The following DDX11 variants were observed in gnomAD, a reference collection of about 807,000 sequenced individuals.
The protein encoded by DDX11 is DEAD/H-box helicase 11, also known as ATP-dependent DNA helicase DDX11.
Under a neutral mutation model 125.2 loss-of-function variants are expected in DDX11, and 72 were observed. The ratio of observed to expected loss-of-function variants is 0.58; its 90% CI spans 0.48 to 0.70. The LOEUF is 0.70. Ranked by LOEUF, DDX11 falls within the 30% of genes least tolerant of loss-of-function variation. The pLI is 0.00. For missense variants in DDX11, 883 were observed against 1,165.0 expected (o/e 0.76, Z 3.52); for synonymous variants, 347 against 452.6 (o/e 0.77, Z 2.96).
intron 1 of DDX11, chr12:31,074,309 T>C (rs2140354760): frequency 6.6e-6 from 1 of 152,306 alleles, no homozygotes; most frequent in Middle Eastern, 3.4e-3. Flanking sequence ...TTATCTTACG[T>C]AGATAAGACA....
At chr12:31,079,083 CTT>C (rs1329502930) in intron 2 of DDX11, among the ~76,000 whole-genome samples, 2 of 152,244 alleles carry the variant, frequency 1.3e-5, no homozygotes, top group Non-Finnish European at 2.9e-5. Context: ...CTTACCAACT[CTT>C]TTCCCTCCCG....
At chr12:31,085,187 C>A (rs11051238) in intron 5 of DDX11, 61 bp downstream of exon 5, 55,541 of 1,527,996 alleles carry the variant, frequency 0.036, 498 homozygotes, top group Non-Finnish European at 0.042. Flanking sequence ...GAAGACAGCT[C>A]TTTCCCTCAT....
rs146470803 is a variant in DDX11 at position 31,103,711 on chromosome 12, G to T, written c.2671G>T (p.Ala891Ser). ...RVEVKATFGP[A>S]IAAVQKFHRE... The stretch of plus-strand genomic sequence containing the variant: ...GGAGGTCAAAGCTACCTTTGGCCCC[G>T]CCATTGCTGCTGTGCAGAAGGTCAG... The change falls in exon 26 of 27, where the codon GCC (alanine) becomes TCC (serine). Residue 891 changes from alanine to serine, a missense_variant. Around this residue, in one of 5 missense-constraint regions of DDX11, gnomAD observed 285 missense variants for 346.0 expected, o/e 0.82. Coordinates refer to ENST00000542838, the MANE Select transcript of DDX11 (RefSeq NM_030653.4). The T allele has an allele frequency of 5.6e-6, 9 of 1,613,704 alleles. No individual in the cohort carries two copies. The highest frequency in any genetic ancestry group is 2.2e-5 in the East Asian group (1 of 44,894).
At position 31,098,015 on chromosome 12, in the gene DDX11, A is replaced by G. The variant is rs756916727; in HGVS notation, c.1875+18A>G. ...TGCAGCCGGTAAGGACACCTTTCCC[A>G]GCCCCTCGTGCCCCAGGTGTTGGGA... On this transcript the variant is annotated intron_variant, in intron 18 of 26. Transcript: ENST00000542838. 7.5e-6 allele frequency: 12 copies of G among 1,602,370 alleles called. No homozygotes were observed. Among genetic ancestry groups the G allele is most frequent in the Non-Finnish European group, 9.4e-6 (11 of 1,170,078 alleles).
chr12:31,092,018 T>C, intron 10 of DDX11, 147 bp downstream of exon 10: 1 of 1,122,834 alleles, frequency 8.9e-7, no homozygotes, highest in Non-Finnish European at 1.3e-6. Flanking sequence ...CATCGGAGGC[T>C]GACCATGGCT....
In DDX11 at chr12:31,103,628, A is replaced by G. The variant is rs1946799663; in HGVS notation, c.2588A>G (p.Gln863Arg). 6.2e-7 allele frequency: 1 copy of G among 1,614,092 alleles called. No homozygotes were observed. The highest frequency in any genetic ancestry group is 8.5e-7 in the Non-Finnish European group (1 of 1,180,010). ...TTTGCCAGCGTAGTGCTCCTGGACC[A>G]GCGATATGCCCGGCCCCCTGTCCTG... ...KDFASVVLLD[Q>R]RYARPPVLAK... The change falls in exon 26 of 27, where the codon CAG becomes CGG. Residue 863 changes from glutamine (Q) to arginine (R), a missense_variant. Gln to Arg is a conservative substitution (Grantham distance 43, BLOSUM62 1). Coordinates refer to ENST00000542838, the MANE Select transcript of DDX11 (RefSeq NM_030653.4).
chr12:31,095,537 T>C (rs1945071923), intron 14 of DDX11, among the ~76,000 whole-genome samples: 1 of 152,208 alleles, frequency 6.6e-6, no homozygotes, highest in African/African-American at 2.4e-5. Flanking sequence ...GCCTTTTTTT[T>C]CTTAAAACCA....
At chr12:31,074,127 A>C (rs1310199650) in intron 1 of DDX11, 36 bp downstream of exon 1, 1 of 152,064 alleles carries the variant, frequency 6.6e-6, no homozygotes, top group African/African-American at 2.4e-5. Flanking sequence ...AACATTCCGG[A>C]AGTGGAGGGC....
rs771568090 is a variant in DDX11 at position 31,103,868 on chromosome 12, C to T, written c.*32C>T. 4 of 1,614,016 alleles carry T rather than the reference C, an allele frequency of 2.5e-6. No homozygotes were observed. The Admixed American group carries it at 6.7e-5, about 27-fold the overall frequency. On this transcript the variant is annotated 3_prime_UTR_variant, in exon 27 of 27. Transcript: ENST00000542838. ...ACCACACCACTGCCTGGCGCCGTGC[C>T]CTTCCTTTGTCCTGCCCGCTGGAGA... is the stretch of plus-strand genomic sequence containing the variant.
At chr12:31,097,053 C>T (rs1266074106) in intron 17 of DDX11, 63 bp downstream of exon 17, 28 of 1,603,954 alleles carry the variant, frequency 1.7e-5, no homozygotes, top group Admixed American at 3.4e-5. Flanking sequence ...GCCCGGGAGC[C>T]GCAGCGTGAA....
intron 18 of DDX11, 40 bp downstream of exon 18, chr12:31,098,037 G>A (rs753697072): frequency 1.3e-4 from 207 of 1,540,180 alleles, no homozygotes; most frequent in Non-Finnish European, 1.8e-4. Context: ...CCCAGGTGTT[G>A]GGATGAGATG....
chr12:31,093,321 G>A lies in DDX11; in HGVS notation c.1366G>A (p.Gly456Arg), dbSNP rs777743366. The change falls in exon 12 of 27, where the codon GGG (glycine) becomes AGG (arginine). Residue 456 changes from glycine to arginine, a missense_variant. Gly to Arg is a moderately radical substitution (Grantham distance 125). Transcript: ENST00000542838. The part of the protein sequence containing the change: ...YLLEKFVAVL[G>R]GNIKQNPNTQ... ...GCTGGAGAAATTCGTGGCTGTGCTA[G>A]GGGGTGAGAGCCTCGTCCCCCTGCT... 2.6e-5 allele frequency: 42 copies of A among 1,613,788 alleles called. No homozygotes were observed. Among genetic ancestry groups the A allele is most frequent in the Non-Finnish European group, 3.5e-5 (41 of 1,179,798 alleles).
chr12:31,077,994 T>G, intron 1 of DDX11: 2 of 357,812 alleles, frequency 5.6e-6, no homozygotes, highest in South Asian at 4.3e-5. Flanking sequence ...GAATGTGCAT[T>G]GCAGAGACGT....
rs551653146 is a variant in DDX11 at position 31,088,301 on chromosome 12, G to A, written c.684+318G>A. Among the ~76,000 whole-genome samples the A allele has an allele frequency of 6.6e-4, 100 of 152,082 alleles. 1 individual carries two copies. Among genetic ancestry groups the A allele is most frequent in the South Asian group, 1.0e-3 (5 of 4,810 alleles). Reference sequence around the variant, plus strand: ...CCTGGGGAGACATCTCCTGGGTTCGGGGCCTGGGGAGACCTCTCCTGGGGG... The same window carrying A: ...CCTGGGGAGACATCTCCTGGGTTCGAGGCCTGGGGAGACCTCTCCTGGGGG... On this transcript the variant is annotated intron_variant, in intron 6 of 26. Coordinates refer to ENST00000542838, the MANE Select transcript of DDX11 (RefSeq NM_030653.4).
Position 31,103,894 on chromosome 12 carries a change from C to T in DDX11, c.*58C>T, listed in dbSNP as rs763078358. On this transcript the variant is annotated 3_prime_UTR_variant, in exon 27 of 27. Transcript: ENST00000542838. ...CTTCCTTTGTCCTGCCCGCTGGAGA[C>T]AGTGTTTGTCGTGGGCGTGGTCTGC... is the stretch of plus-strand genomic sequence containing the variant. 26 of 1,613,946 alleles carry T rather than the reference C, an allele frequency of 1.6e-5. No individual in the cohort carries two copies. In the Admixed American group the frequency reaches 3.8e-4, roughly 24 times the overall value.
Position 31,091,731 on chromosome 12 carries a change from C to G in DDX11, c.1102C>G (p.Pro368Ala). 1 of 1,582,652 alleles carries G rather than the reference C, an allele frequency of 6.3e-7. No individual in the cohort carries two copies. Among genetic ancestry groups the G allele is most frequent in the Non-Finnish European group, 8.6e-7 (1 of 1,158,886 alleles). Residue 368 changes from proline to alanine, a missense_variant, in exon 10 of 27, where the codon CCC becomes GCC. By Grantham distance (27) the Pro-to-Ala change is conservative. Transcript: ENST00000542838. Reference protein sequence around the residue: ...AIPAAQLVVLPYQMLLHAATR... With the variant: ...AIPAAQLVVLAYQMLLHAATR... Reference sequence around the variant, plus strand: ...TCTCCCCTCCCAGCTGGTGGTGCTGCCCTATCAGATGCTGCTGCATGCGGC... The same window carrying G: ...TCTCCCCTCCCAGCTGGTGGTGCTGGCCTATCAGATGCTGCTGCATGCGGC...
At chr12:31,100,907 G>A (rs1161422577) in intron 19 of DDX11, 120 bp from the exon 20 acceptor site, 19 of 1,125,706 alleles carry the variant, frequency 1.7e-5, no homozygotes, top group Middle Eastern at 1.9e-4. Flanking sequence ...GATGGTGGGC[G>A]GGTGAGCGCT....
intron 6 of DDX11, among the ~76,000 whole-genome samples, chr12:31,088,504 G>A (rs148998489): frequency 1.4e-3 from 210 of 152,324 alleles, no homozygotes; most frequent in African/African-American, 4.9e-3. Flanking sequence ...AGGGCTATGG[G>A]TTGTGTATGG....
rs570579794 is a variant in DDX11 at position 31,096,365 on chromosome 12, A to G, written c.1507A>G (p.Met503Val). The stretch of plus-strand genomic sequence containing the variant: ...GGTGCAGCGATACTGTGAGAAGAGC[A>G]TGATCAGCAGAAAGGTAACTGCTCC... ...FKVQRYCEKS[M>V]ISRKLFGFTE... Residue 503 changes from methionine (M) to valine (V), a missense_variant, in exon 15 of 27, where the codon ATG (methionine) becomes GTG (valine). Met to Val is a conservative substitution (Grantham distance 21, BLOSUM62 1). Around this residue, in one of 5 missense-constraint regions of DDX11, gnomAD observed 241 missense variants for 279.7 expected, o/e 0.86. Coordinates refer to ENST00000542838, the MANE Select transcript of DDX11 (RefSeq NM_030653.4). 1 of 1,613,046 alleles carries G rather than the reference A, an allele frequency of 6.2e-7. No individual in the cohort carries two copies. Among genetic ancestry groups the G allele is most frequent in the South Asian group, 1.1e-5 (1 of 91,010 alleles).
Sources: allele counts gnomAD v4.1 joint callset (sites outside exome capture counted in the v4.1 genomes callset), GRCh38; gene constraint gnomAD v4.1.1; regional missense constraint gnomAD v4.1.1; transcripts MANE v1.5; gene names NCBI Gene and HGNC (gene_info 2026-07-23, HGNC 2026-07-21).